CIZ1: variants seen among roughly 807,000 people sequenced by gnomAD.
The protein encoded by CIZ1 is CDKN1A interacting zinc finger protein 1.
A neutral mutation model predicts 118.6 loss-of-function variants in CIZ1; 58 were observed. That is an observed-to-expected ratio of 0.49 (90% CI 0.40 to 0.61). The LOEUF is 0.61. Among genes scored for constraint, CIZ1 ranks in the 20% least tolerant of loss-of-function variants. The pLI, the probability that CIZ1 is intolerant of heterozygous loss-of-function variation, is 0.00. For synonymous variants in CIZ1, 448 were observed against 443.4 expected (o/e 1.01, Z -0.13); for missense variants, 921 against 1,115.9 (o/e 0.83, Z 2.49).
chr9:128,192,766 C>T (rs1833249950), upstream of CIZ1, among the ~76,000 whole-genome samples: 2 of 152,244 alleles, frequency 1.3e-5, no homozygotes, highest in South Asian at 4.1e-4. Flanking sequence ...TAGTCTCGAA[C>T]TCCTGACCTC....
At chr9:128,180,563 G>A (rs746379791) in intron 6 of CIZ1, 40 bp from the exon 7 acceptor site, 3 of 1,561,218 alleles carry the variant, frequency 1.9e-6, no homozygotes, top group East Asian at 4.5e-5. Flanking sequence ...ATGTTGGGAA[G>A]AGCAAGCATC....
intron 1 of CIZ1, 24 bp from the exon 2 acceptor site, chr9:128,190,886 G>A: frequency 3.9e-6 from 6 of 1,520,384 alleles, no homozygotes; most frequent in Non-Finnish European, 5.3e-6. Flanking sequence ...GCAGAGTGAG[G>A]CAAGGGGTCC....
rs776157782 is a variant in CIZ1, at chr9:128,185,689, T to C, written c.446A>G (p.Gln149Arg). ...PPQLATPNLQ[Q>R]FFPQATRQSL... ...CTGGCGAGTGGCCTGGGGAAAGAAC[T>C]GTTGCAAATTTGGAGTGGCCAGTTG... Residue 149 changes from glutamine (Q) to arginine (R), a missense_variant, in exon 5 of 17, where the codon CAG becomes CGG. Transcript: ENST00000372938. 1 of 1,609,012 alleles carries C rather than the reference T, an allele frequency of 6.2e-7. No homozygotes were observed. Among genetic ancestry groups the C allele is most frequent in the Non-Finnish European group, 8.5e-7 (1 of 1,177,258 alleles).
At position 128,173,869 on chromosome 9, in the gene CIZ1, A is replaced by G. The variant is rs574177212; in HGVS notation, c.1943+2482T>C. ...AAAATACAAAAAATTAGCCGGGCCT[A>G]GTGGTAGGCGCCTGTAGTCCCAGCT... On this transcript the variant is annotated intron_variant, in intron 11 of 16. Coordinates refer to ENST00000372938, the MANE Select transcript of CIZ1 (RefSeq NM_001131016.2). 1.1e-4 allele frequency among the ~76,000 whole-genome samples: 17 copies of G among 152,074 alleles called. No individual in the cohort carries two copies. In the East Asian group the frequency reaches 1.2e-3, roughly 10 times the overall value.
At chr9:128,202,226 C>T (rs766199071) in intron 1 of CIZ1, among the ~76,000 whole-genome samples, 14 of 152,202 alleles carry the variant, frequency 9.2e-5, no homozygotes, top group Non-Finnish European at 1.8e-4. Flanking sequence ...ACACTGTTCA[C>T]AGCGCAGGGA....
intron 1 of CIZ1, chr9:128,199,871 C>A (rs1383361946): frequency 6.8e-6 from 1 of 147,700 alleles, no homozygotes; most frequent in African/African-American, 2.5e-5. Context: ...CAACCACCAC[C>A]CCTGCCTCCC....
upstream of CIZ1, among the ~76,000 whole-genome samples, chr9:128,194,085 G>A (rs900881785): frequency 2.6e-5 from 4 of 152,174 alleles, no homozygotes; most frequent in Non-Finnish European, 5.9e-5. Context: ...ATCTTGGGCC[G>A]ATGCAGTGGC....
chr9:128,188,285 A>C (rs1340273717), intron 3 of CIZ1, among the ~76,000 whole-genome samples: 1 of 152,180 alleles, frequency 6.6e-6, no homozygotes, highest in Non-Finnish European at 1.5e-5. Flanking sequence ...AACAGGGTAC[A>C]GCCTGGGACT....
intron 10 of CIZ1, among the ~76,000 whole-genome samples, chr9:128,177,135 A>G (rs1830964209): frequency 6.6e-6 from 1 of 152,032 alleles, no homozygotes; most frequent in Admixed American, 6.6e-5. Flanking sequence ...TGATCCACCC[A>G]CCTCAGCCTC....
intron 13 of CIZ1, 25 bp downstream of exon 13, chr9:128,169,381 T>C: frequency 6.3e-7 from 1 of 1,584,610 alleles, no homozygotes; most frequent in South Asian, 1.1e-5. Flanking sequence ...TCTGGGCCCA[T>C]GTCCTCTGAG....
chr9:128,176,510 C>T (rs775417526), intron 10 of CIZ1, 35 bp from the exon 11 acceptor site: 26 of 1,603,908 alleles, frequency 1.6e-5, no homozygotes, highest in Non-Finnish European at 1.0e-5. Flanking sequence ...GGGCCTGGGG[C>T]GTGAGCCCAG....
chr9:128,179,547 T>C, intron 7 of CIZ1, 132 bp from the exon 8 acceptor site: 2 of 755,774 alleles, frequency 2.6e-6, no homozygotes, highest in Admixed American at 3.0e-5. Context: ...CTGAGGCAGG[T>C]GGATCATTTG....
Position 128,203,349 on chromosome 9 carries a change from C to A in CIZ1, c.-6+837G>T. 1.0e-6 allele frequency: 1 copy of A among 978,910 alleles called. No individual in the cohort carries two copies. The highest frequency in any genetic ancestry group is 1.3e-6 in the Non-Finnish European group (1 of 762,334). 60.6% of individuals were successfully genotyped at this position (978,910 alleles called of 1,614,324 possible). ...TCCGGGAGCGGTGCTCGCTCCGATC[C>A]CCGAGGGGCGGGGGCCCCGCGGCGC... On this transcript the variant is annotated intron_variant, in intron 1 of 17. Coordinates refer to the CIZ1 transcript ENST00000372948. This position sits in a 1 kb window ranked among gnomAD's most constrained non-coding sequence, Gnocchi z 5.3.
In CIZ1 at chr9:128,177,754, C is replaced by A. The variant is rs371013809; in HGVS notation, c.1630G>T (p.Ala544Ser). The A allele has an allele frequency of 6.3e-7, 1 of 1,594,240 alleles. No homozygotes were observed. The highest frequency in any genetic ancestry group is 8.5e-7 in the Non-Finnish European group (1 of 1,170,982). Residue 544 changes from alanine to serine, a missense_variant, in exon 10 of 17, where the codon GCC becomes TCC. Physicochemically the swap from Ala to Ser is moderately conservative, Grantham distance 99 (BLOSUM62 1). Transcript: ENST00000372938. ...RAREMPGVWG[A>S]GGSLKVTILQ... ...ATGGTGACCTTCAGGGAGCCCCCGG[C>A]GCCCCATACCTGCATGGGGAGTAGG...
intron 9 of CIZ1, 49 bp from the exon 10 acceptor site, chr9:128,177,812 G>A: frequency 1.5e-6 from 2 of 1,322,748 alleles, no homozygotes; most frequent in Non-Finnish European, 2.1e-6. Context: ...TACTTATAGT[G>A]GGCCAGCCCA....
At chr9:128,173,970 C>T (rs1425835312) in intron 11 of CIZ1, among the ~76,000 whole-genome samples, 1 of 151,822 alleles carries the variant, frequency 6.6e-6, no homozygotes, top group Non-Finnish European at 1.5e-5. Flanking sequence ...CGCGCCACTG[C>T]ACTCCAGCCT....
In CIZ1 at chr9:128,166,500, A is replaced by G. The variant is rs1054472665; in HGVS notation, c.2488-94T>C. The stretch of plus-strand genomic sequence containing the variant: ...CTTCCCCAGCTCTGGCTGAGACAGT[A>G]TTAGTGTGCTCTGTGACCCTGCGTG... On this transcript the variant is annotated intron_variant, in intron 16 of 16. Transcript: ENST00000372938. The surrounding 1 kb of genome is among the most constrained non-coding windows in gnomAD (Gnocchi z 4.4). 5.3e-6 allele frequency: 6 copies of G among 1,129,872 alleles called. No homozygotes were observed. Among genetic ancestry groups the G allele is most frequent in the African/African-American group, 3.1e-5 (2 of 63,742 alleles). 70.0% of individuals were successfully genotyped at this position (1,129,872 alleles called of 1,614,324 possible).
rs1305825497 is a variant in CIZ1, at chr9:128,191,105, C to T, written c.-5-243G>A. Among the ~76,000 whole-genome samples, 1 of 152,132 alleles carries T rather than the reference C, an allele frequency of 6.6e-6. No homozygotes were observed. ...GCCAATGCCCCCCAGACACTGCCAA[C>T]AGCCCCTCCTTCAAGTCCCTCCATC... On this transcript the variant is annotated intron_variant, in intron 1 of 16. Transcript: ENST00000372938. This position sits in a 1 kb window ranked among gnomAD's most constrained non-coding sequence, Gnocchi z 5.5.
At chr9:128,170,452 C>T (rs555855876) in intron 11 of CIZ1, among the ~76,000 whole-genome samples, 31 of 152,178 alleles carry the variant, frequency 2.0e-4, no homozygotes, top group Non-Finnish European at 4.1e-4. Flanking sequence ...AATTCAGCTT[C>T]GCCAGCCTGG....
Sources: allele counts gnomAD v4.1 joint callset (sites outside exome capture counted in the v4.1 genomes callset), GRCh38; gene constraint gnomAD v4.1.1; non-coding constraint Gnocchi (gnomAD v3.1); transcripts MANE v1.5; gene names NCBI Gene and HGNC (gene_info 2026-07-23, HGNC 2026-07-21).